HDAC1: variants seen among roughly 807,000 people sequenced by gnomAD.
HDAC1 encodes the protein protein deacetylase HDAC1.
In HDAC1, 18 loss-of-function variants were observed where a neutral mutation model predicts 65.5. The observed-to-expected ratio is 0.27, with a 90% CI of 0.19 to 0.41. The LOEUF is 0.41. Among genes scored for constraint, HDAC1 ranks in the 10% least tolerant of loss-of-function variants. HDAC1 has a pLI of 1.00. For missense variants in HDAC1, 373 were observed against 625.2 expected (o/e 0.60, Z 4.30); for synonymous variants, 211 against 227.9 (o/e 0.93, Z 0.67).
At chr1:32,310,737 C>T (rs1415821949) in intron 2 of HDAC1, among the ~76,000 whole-genome samples, 3 of 151,828 alleles carry the variant, frequency 2.0e-5, no homozygotes, top group Non-Finnish European at 4.4e-5. Context: ...GTAATCCCAG[C>T]TACTCGGGAG....
In HDAC1 at chr1:32,331,840, TTCAATAGGCAGC is replaced by T. The variant is rs112844293; in HGVS notation, c.1219+38_1219+49del. The T allele has an allele frequency of 2.4e-5, 37 of 1,569,554 alleles. No individual in the cohort carries two copies. The African/African-American group carries it at 3.3e-4, about 14-fold the overall frequency. ...CAGACCTAGAGCCCTATGCCTTCCA[TTCAATAGGCAGC>T]TCACACTTCCACCACCATTCCTGGC... On this transcript the variant is annotated intron_variant, in intron 11 of 13. Coordinates refer to ENST00000373548, the MANE Select transcript of HDAC1 (RefSeq NM_004964.3). The surrounding 1 kb of genome is among the most constrained non-coding windows in gnomAD (Gnocchi z 4.2).
rs765905813 is a variant in HDAC1 at position 32,332,289 on chromosome 1, GA to G, written c.1372+49del. On this transcript the variant is annotated intron_variant, in intron 12 of 13. Coordinates refer to ENST00000373548, the MANE Select transcript of HDAC1 (RefSeq NM_004964.3). ...ACTTGGGTCTCGAGCCTGAGAGGAT[GA>G]ATCTATGTAGGGCAGTGGGAGGAGG... 222 of 1,567,838 alleles carry G rather than the reference GA, an allele frequency of 1.4e-4. 1 individual carries two copies. In the African/African-American group the frequency reaches 2.3e-3, roughly 16 times the overall value.
intron 3 of HDAC1, among the ~76,000 whole-genome samples, chr1:32,323,434 C>T (rs1215931818): frequency 6.6e-6 from 1 of 152,048 alleles, no homozygotes; most frequent in East Asian, 1.9e-4. Flanking sequence ...TCACTCTTGT[C>T]TCGCCCAGGC....
intron 12 of HDAC1, among the ~76,000 whole-genome samples, chr1:32,332,453 C>T (rs1641306975): frequency 6.6e-6 from 1 of 152,198 alleles, no homozygotes; most frequent in African/African-American, 2.4e-5. Context: ...CCACCCCAGC[C>T]CTTTTCCCAG....
chr1:32,313,708 C>G (rs1434632850), intron 2 of HDAC1, among the ~76,000 whole-genome samples: 1 of 152,178 alleles, frequency 6.6e-6, no homozygotes, highest in Non-Finnish European at 1.5e-5. Context: ...TGGCCACTAT[C>G]TGTATGGTGT....
chr1:32,301,535 C>T (rs368220793), intron 1 of HDAC1, among the ~76,000 whole-genome samples: 26 of 152,150 alleles, frequency 1.7e-4, no homozygotes, highest in East Asian at 5.8e-4. Flanking sequence ...TTTGGGAGGC[C>T]GAGGTGAGTG....
chr1:32,332,717 G>C lies in HDAC1; in HGVS notation c.1389G>C (p.Glu463Asp). Residue 463 changes from glutamate (E) to aspartate (D), a missense_variant, in exon 13 of 14, where the codon GAG (glutamate) becomes GAC (aspartate). Physicochemically the swap from Glu to Asp is conservative, Grantham distance 45. This residue lies in a region of HDAC1 where 126 missense variants were observed against 126.2 expected (regional missense o/e 1.00). Coordinates refer to ENST00000373548, the MANE Select transcript of HDAC1 (RefSeq NM_004964.3). The stretch of plus-strand genomic sequence containing the variant: ...GTGTTCTAGAAGTCACCGAAGAGGA[G>C]AAAACCAAGGAGGAGAAGCCAGAAG... ...PEEKKEVTEE[E>D]KTKEEKPEAK... The C allele has an allele frequency of 3.2e-6, 5 of 1,555,590 alleles. No homozygotes were observed. The highest frequency in any genetic ancestry group is 4.4e-6 in the Non-Finnish European group (5 of 1,148,980).
chr1:32,327,578 T>C lies in HDAC1; in HGVS notation c.537T>C (p.His179=), dbSNP rs555113155. 1.4e-4 allele frequency: 231 copies of C among 1,612,888 alleles called. 2 individuals carry two copies. In the East Asian group the frequency reaches 5.0e-3, roughly 35 times the overall value. The change falls in exon 6 of 14, where the codon CAT becomes CAC. Residue 179 remains histidine, a synonymous_variant. Transcript: ENST00000373548. This position sits in a 1 kb window ranked among gnomAD's most constrained non-coding sequence, Gnocchi z 6.0. ...RVLYIDIDIH[H]GDGVEEAFYT... ...TGTACATTGACATTGATATTCACCA[T>C]GGTGACGGCGTGGAAGAGGCCTTCT...
intron 1 of HDAC1, among the ~76,000 whole-genome samples, chr1:32,293,758 C>T (rs1170987797): frequency 2.6e-5 from 4 of 151,842 alleles, no homozygotes; most frequent in South Asian, 2.1e-4. Flanking sequence ...AAAAATTACC[C>T]GGGTGTGGTG....
chr1:32,295,161 C>G (rs772436892), intron 1 of HDAC1, among the ~76,000 whole-genome samples: 8 of 152,146 alleles, frequency 5.3e-5, no homozygotes, highest in Non-Finnish European at 8.8e-5. Context: ...CGCCTATAAT[C>G]CCAGTACTTT....
intron 1 of HDAC1, 57 bp downstream of exon 1, chr1:32,292,275 G>C (rs1397764656): frequency 8.4e-6 from 13 of 1,544,254 alleles, no homozygotes; most frequent in Middle Eastern, 2.1e-4. Context: ...CGGGAACCTG[G>C]AGGCTGAGGC....
chr1:32,320,715 C>T (rs192356682), intron 3 of HDAC1, among the ~76,000 whole-genome samples: 53 of 151,552 alleles, frequency 3.5e-4, no homozygotes, highest in African/African-American at 7.0e-4. Flanking sequence ...GCCTGGCCAG[C>T]GTGGTGAAAC....
chr1:32,304,277 A>G (rs980225097), intron 2 of HDAC1, among the ~76,000 whole-genome samples: 1 of 152,210 alleles, frequency 6.6e-6, no homozygotes, highest in Admixed American at 6.5e-5. Context: ...CAGTGGAGGC[A>G]ACTGGGGAAG....
intron 11 of HDAC1, 24 bp from the exon 12 acceptor site, chr1:32,332,066 C>A: frequency 1.3e-6 from 2 of 1,560,206 alleles, no homozygotes; most frequent in South Asian, 1.2e-5. Flanking sequence ...TGCCCTCTCA[C>A]CCATGCTTCC....
At chr1:32,311,162 A>G (rs1640985768) in intron 2 of HDAC1, among the ~76,000 whole-genome samples, 1 of 152,104 alleles carries the variant, frequency 6.6e-6, no homozygotes, top group Non-Finnish European at 1.5e-5. Context: ...ATGAAAAAAG[A>G]AGAATCAAAG....
At chr1:32,316,157 G>A (rs1641059954) in intron 2 of HDAC1, among the ~76,000 whole-genome samples, 2 of 151,934 alleles carry the variant, frequency 1.3e-5, no homozygotes, top group African/African-American at 2.4e-5. Context: ...GGTGGTGGGC[G>A]TCTGTAGTCC....
intron 1 of HDAC1, among the ~76,000 whole-genome samples, chr1:32,293,306 G>T (rs1273937469): frequency 6.7e-6 from 1 of 148,994 alleles, no homozygotes; most frequent in African/African-American, 2.5e-5. Flanking sequence ...GGACAACAGA[G>T]CGAGGCTCTG....
intron 1 of HDAC1, among the ~76,000 whole-genome samples, chr1:32,299,147 A>G (rs560588539): frequency 1.3e-5 from 2 of 152,310 alleles, no homozygotes; most frequent in East Asian, 3.9e-4. Context: ...CCAAGAAGTT[A>G]TATAGAAGAG....
intron 1 of HDAC1, among the ~76,000 whole-genome samples, chr1:32,294,622 C>A (rs979341481): frequency 6.6e-6 from 1 of 150,772 alleles, no homozygotes; most frequent in Non-Finnish European, 1.5e-5. Flanking sequence ...CCATGCCATT[C>A]TCCTGCCTCA....
Sources: gnomAD v4.1 joint callset for allele counts (sites outside exome capture counted in the v4.1 genomes callset) on GRCh38, gnomAD v4.1.1 for gene constraint, gnomAD v4.1.1 regional missense constraint, Gnocchi (gnomAD v3.1) non-coding constraint, MANE v1.5 for transcripts, NCBI Gene and HGNC (gene_info 2026-07-23, HGNC 2026-07-21) for gene names.